Variants in MGAT4C observed in about 807,000 individuals in gnomAD.
The protein encoded by MGAT4C is MGAT4 family member C.
MGAT4C carries 19 observed loss-of-function variants against 40.1 expected under a neutral mutation model. The ratio of observed to expected loss-of-function variants is 0.47; its 90% CI spans 0.33 to 0.70. The LOEUF is 0.70. Among genes scored for constraint, MGAT4C ranks in the 30% least tolerant of loss-of-function variants. MGAT4C has a pLI of 0.02. For missense variants in MGAT4C, 491 were observed against 563.2 expected (o/e 0.87, Z 1.30); for synonymous variants, 181 against 187.1 (o/e 0.97, Z 0.27).
intron 3 of MGAT4C, among the ~76,000 whole-genome samples, chr12:86,359,964 T>G (rs900577187): frequency 2.0e-5 from 3 of 152,160 alleles, no homozygotes; most frequent in Non-Finnish European, 4.4e-5. Context: ...GAGGGAATCC[T>G]CCCTAACTCT....
intron 1 of MGAT4C, among the ~76,000 whole-genome samples, chr12:86,220,430 G>A (rs531683725): frequency 3.9e-5 from 6 of 152,098 alleles, no homozygotes; most frequent in African/African-American, 1.2e-4. Context: ...TATAATGAGA[G>A]TTTTACAGTT....
intron 1 of MGAT4C, among the ~76,000 whole-genome samples, chr12:86,072,018 A>C (rs1222439309): frequency 9.6e-6 from 1 of 104,160 alleles, no homozygotes; most frequent in Non-Finnish European, 1.9e-5. Context: ...CAGTTAATGC[A>C]TAGGGTTTTG....
chr12:86,150,273 A>G (rs1391824068), intron 1 of MGAT4C, among the ~76,000 whole-genome samples: 1 of 152,150 alleles, frequency 6.6e-6, no homozygotes. Context: ...CTCATTCCTA[A>G]CAGGCCAGGG....
intron 3 of MGAT4C, among the ~76,000 whole-genome samples, chr12:86,341,923 T>A (rs1954914378): frequency 6.6e-6 from 1 of 152,126 alleles, no homozygotes; most frequent in South Asian, 2.1e-4. Flanking sequence ...GACTTAACCA[T>A]TCGAGCCTTT....
At chr12:86,532,251 A>G (rs906207562) in intron 2 of MGAT4C, among the ~76,000 whole-genome samples, 2 of 152,040 alleles carry the variant, frequency 1.3e-5, no homozygotes, top group African/African-American at 4.8e-5. Context: ...ATTCATACAT[A>G]TAACACTTAT....
chr12:86,230,866 T>TC (rs1399145766), intron 1 of MGAT4C, among the ~76,000 whole-genome samples: 5 of 71,648 alleles, frequency 7.0e-5, no homozygotes, highest in African/African-American at 2.2e-4. Context: ...CTTCAAACAC[T>TC]CCCTTTTTTT....
intron 1 of MGAT4C, among the ~76,000 whole-genome samples, chr12:86,762,937 GT>G (rs1182306864): frequency 6.6e-6 from 1 of 152,096 alleles, no homozygotes; most frequent in African/African-American, 2.4e-5. Context: ...CAGATATCAC[GT>G]TATGACACAT....
At chr12:86,072,858 T>C (rs568539818) in intron 1 of MGAT4C, among the ~76,000 whole-genome samples, 22 of 152,344 alleles carry the variant, frequency 1.4e-4, no homozygotes, top group African/African-American at 5.3e-4. Flanking sequence ...GGTTGTTTTC[T>C]TGTTTGGAGA....
chr12:86,425,652 T>C (rs1003648281), intron 3 of MGAT4C, among the ~76,000 whole-genome samples: 1 of 152,202 alleles, frequency 6.6e-6, no homozygotes, highest in African/African-American at 2.4e-5. Context: ...AAGTTGCAGA[T>C]GGTATTGAGG....
At chr12:86,248,838 A>C (rs1212112567) in intron 1 of MGAT4C, among the ~76,000 whole-genome samples, 1 of 152,106 alleles carries the variant, frequency 6.6e-6, no homozygotes, top group Non-Finnish European at 1.5e-5. Context: ...ACTTAGAATA[A>C]ATTTCTGGGA....
At chr12:86,023,572 C>T (rs1402280785) in intron 2 of MGAT4C, among the ~76,000 whole-genome samples, 4 of 148,204 alleles carry the variant, frequency 2.7e-5, no homozygotes, top group South Asian at 4.2e-4. Flanking sequence ...TGTAGAATCA[C>T]GAAATATATT....
At chr12:86,729,339 CCTA>C in intron 1 of MGAT4C, among the ~76,000 whole-genome samples, 1 of 151,850 alleles carries the variant, frequency 6.6e-6, no homozygotes, top group South Asian at 2.1e-4. Flanking sequence ...AATATATACA[CCTA>C]CTATGTATCC....
Position 85,961,408 on chromosome 12 carries a change from GTGTC to G in MGAT4C, c.*17877_*17880del, listed in dbSNP as rs2136642613. On this transcript the variant is annotated 3_prime_UTR_variant, in exon 5 of 5. Coordinates refer to ENST00000611864, the MANE Select transcript of MGAT4C (RefSeq NM_001351288.2). ...TAAAAATTTAAGAAACAAAGGGAATGTGTCTGGGGATGGTACTAATAATATTGAG... is the reference window on the plus strand; with the variant it reads ...TAAAAATTTAAGAAACAAAGGGAATGTGGGGATGGTACTAATAATATTGAG... The G allele has an allele frequency of 1.3e-5, 2 of 151,922 alleles. No individual in the cohort carries two copies. Among genetic ancestry groups the G allele is most frequent in the Admixed American group, 1.3e-4 (2 of 15,226 alleles). 9.4% of individuals were successfully genotyped at this position (151,922 alleles called of 1,614,324 possible). A position where few individuals can be genotyped will look rare whatever the true frequency, so the allele number is the denominator to read the frequency against.
At chr12:86,532,373 C>A (rs1378852330) in intron 2 of MGAT4C, among the ~76,000 whole-genome samples, 1 of 151,798 alleles carries the variant, frequency 6.6e-6, no homozygotes, top group African/African-American at 2.4e-5. Context: ...GTAAATCTTC[C>A]AGAATAAAAT....
At chr12:86,071,093 C>T (rs1200250607) in intron 1 of MGAT4C, among the ~76,000 whole-genome samples, 3 of 151,934 alleles carry the variant, frequency 2.0e-5, no homozygotes, top group Admixed American at 2.0e-4. Flanking sequence ...GACAATATGA[C>T]ATGGTAAAGC....
intron 2 of MGAT4C, among the ~76,000 whole-genome samples, chr12:86,649,339 A>G (rs1464147538): frequency 2.0e-5 from 3 of 151,774 alleles, no homozygotes; most frequent in Non-Finnish European, 4.4e-5. Context: ...GAGTGAGGCA[A>G]AATATTGTTG....
chr12:86,477,663 G>A (rs1231929267), intron 2 of MGAT4C, among the ~76,000 whole-genome samples: 1 of 152,008 alleles, frequency 6.6e-6, no homozygotes, highest in East Asian at 1.9e-4. Flanking sequence ...TGTTACATAT[G>A]TATACATGTG....
intron 3 of MGAT4C, among the ~76,000 whole-genome samples, chr12:86,400,423 T>C (rs908120377): frequency 2.0e-5 from 3 of 152,186 alleles, no homozygotes; most frequent in Non-Finnish European, 4.4e-5. Context: ...TTGATGTAGG[T>C]AACTTTTGGA....
rs74684851 is a variant in MGAT4C at position 86,416,496 on chromosome 12, A to T, written c.-120+18661T>A. On this transcript the variant is annotated intron_variant, in intron 3 of 7. Coordinates refer to the MGAT4C transcript ENST00000548651. ...ACTGGTTACCCAGTTGAGGATTGACACTACACCTGGATATTGGCAGCAATC... is the reference window on the plus strand; with the variant it reads ...ACTGGTTACCCAGTTGAGGATTGACTCTACACCTGGATATTGGCAGCAATC... 7.8e-3 allele frequency among the ~76,000 whole-genome samples: 1,189 copies of T among 152,198 alleles called. 23 individuals are homozygous for T. The highest frequency in any genetic ancestry group is 0.06 in the East Asian group (308 of 5,170).
Sources: gnomAD v4.1 joint callset for allele counts (sites outside exome capture counted in the v4.1 genomes callset) on GRCh38, gnomAD v4.1.1 for gene constraint, MANE v1.5 for transcripts, NCBI Gene and HGNC (gene_info 2026-07-23, HGNC 2026-07-21) for gene names.